Variants in ZNF99 observed in about 807,000 individuals in gnomAD.
ZNF99 encodes the protein zinc finger protein 99, also known as zinc finger protein ENSP00000375192.
A neutral mutation model predicts 12.8 loss-of-function variants in ZNF99; 8 were observed. The observed-to-expected ratio is 0.62, with a 90% CI of 0.37 to 1.13. The LOEUF is 1.13. ZNF99 is among the 50% of genes most tolerant of loss of function. ZNF99 has a pLI of 0.02. For missense variants in ZNF99, 1,007 were observed against 1,006.2 expected (o/e 1.00, Z -0.01); for synonymous variants, 318 against 319.0 (o/e 1.00, Z 0.03).
chr19:22,769,320 G>A lies in ZNF99; in HGVS notation c.8C>T (p.Ser3Leu), dbSNP rs558219171. The A allele has an allele frequency of 4.7e-5, 75 of 1,603,392 alleles. No homozygotes were observed. The Middle Eastern group carries it at 5.0e-4, about 11-fold the overall frequency. The part of the protein sequence containing the change: MG[S>L]LTFWDVTIEF... ...TATGGTCACATCCCAAAATGTCAAC[G>A]ATCCCTGAAAAACACAACAAAGATA... is the stretch of plus-strand genomic sequence containing the variant. Residue 3 changes from serine to leucine, a missense_variant, in exon 2 of 4, where the codon TCG (serine) becomes TTG (leucine). Ser to Leu is a moderately radical substitution (Grantham distance 145). Coordinates refer to ENST00000596209, the MANE Select transcript of ZNF99 (RefSeq NM_001080409.3).
chr19:22,761,104 A>C (rs1221416973), intron 3 of ZNF99, among the ~76,000 whole-genome samples: 1 of 151,906 alleles, frequency 6.6e-6, no homozygotes, highest in East Asian at 1.9e-4. Context: ...AAAAAGTATA[A>C]AATTTTTGGA....
chr19:22,782,929 A>G (rs898234553), intron 1 of ZNF99, among the ~76,000 whole-genome samples: 1 of 145,120 alleles, frequency 6.9e-6, no homozygotes, highest in Non-Finnish European at 1.5e-5. Context: ...CGGCCTCCCA[A>G]AGTGCTGGGA....
chr19:22,774,774 G>A (rs1303600144), intron 1 of ZNF99, among the ~76,000 whole-genome samples: 5 of 152,150 alleles, frequency 3.3e-5, no homozygotes, highest in African/African-American at 9.7e-5. Flanking sequence ...GGAGGCTGAG[G>A]CAGGAGAATA....
intron 3 of ZNF99, among the ~76,000 whole-genome samples, chr19:22,762,245 C>T (rs181427919): frequency 1.3e-5 from 2 of 152,014 alleles, no homozygotes; most frequent in East Asian, 3.9e-4. Context: ...AGACCATTAG[C>T]AAGATTAACC....
intron 2 of ZNF99, among the ~76,000 whole-genome samples, chr19:22,768,856 C>G (rs1438415992): frequency 6.6e-6 from 1 of 151,852 alleles, no homozygotes; most frequent in Non-Finnish European, 1.5e-5. Context: ...ATGGAGAAAC[C>G]CCGTCTCTGC....
chr19:22,766,346 CT>C (rs74174101), intron 3 of ZNF99, among the ~76,000 whole-genome samples: 22 of 140,916 alleles, frequency 1.6e-4, no homozygotes, highest in African/African-American at 2.6e-4. Flanking sequence ...CTTTTCTTTT[CT>C]TTTTTTTTTT....
intron 1 of ZNF99, among the ~76,000 whole-genome samples, chr19:22,776,802 A>T (rs950941935): frequency 4.6e-5 from 7 of 152,020 alleles, no homozygotes; most frequent in Non-Finnish European, 1.0e-4. Flanking sequence ...TCACAATAGC[A>T]AAGACATGGA....
intron 3 of ZNF99, among the ~76,000 whole-genome samples, chr19:22,766,129 TTTAATC>T (rs1217256240): frequency 4.6e-5 from 7 of 151,666 alleles, no homozygotes; most frequent in Admixed American, 2.0e-4. Flanking sequence ...AACACATTGA[TTTAATC>T]TTAAGATGTT....
chr19:22,780,463 C>G (rs1465030000), intron 1 of ZNF99, among the ~76,000 whole-genome samples: 1 of 152,044 alleles, frequency 6.6e-6, no homozygotes, highest in South Asian at 2.1e-4. Flanking sequence ...GAGGCTGAGG[C>G]GGGCGGATCA....
chr19:22,766,085 GT>G (rs1203774402), intron 3 of ZNF99, among the ~76,000 whole-genome samples: 1 of 151,414 alleles, frequency 6.6e-6, no homozygotes, highest in African/African-American at 2.4e-5. Flanking sequence ...TAGAAATATA[GT>G]TTTTGTATTC....
chr19:22,784,124 AG>A lies in ZNF99; in HGVS notation c.-109del. ...ACAGAGCAGTAAAAACGAGATCCGG[AG>A]CTCCAGCTGGAACCAGAAACAACGG... On this transcript the variant is annotated 5_prime_UTR_variant, in exon 1 of 4. Transcript: ENST00000596209. 4.6e-6 allele frequency: 6 copies of A among 1,308,884 alleles called. No homozygotes were observed. Among genetic ancestry groups the A allele is most frequent in the Non-Finnish European group, 6.4e-6 (6 of 935,564 alleles). 81.1% of individuals were successfully genotyped at this position (1,308,884 alleles called of 1,614,324 possible).
At chr19:22,781,275 GA>G (rs1973384139) in intron 1 of ZNF99, among the ~76,000 whole-genome samples, 1 of 151,912 alleles carries the variant, frequency 6.6e-6, no homozygotes, top group Admixed American at 6.6e-5. Context: ...AATCACTTAA[GA>G]GATTCTCCCA....
intron 3 of ZNF99, among the ~76,000 whole-genome samples, chr19:22,761,710 A>G (rs1308664295): frequency 6.6e-6 from 1 of 152,160 alleles, no homozygotes; most frequent in African/African-American, 2.4e-5. Context: ...AGTGCACGAA[A>G]CCTTCTCCAA....
Position 22,758,456 on chromosome 19 carries a change from C to T in ZNF99, c.1453G>A (p.Glu485Lys). 6.2e-7 allele frequency: 1 copy of T among 1,613,232 alleles called. No homozygotes were observed. Among genetic ancestry groups the T allele is most frequent in the Non-Finnish European group, 8.5e-7 (1 of 1,179,694 alleles). The part of the protein sequence containing the change: ...HTGEKPYKCE[E>K]CGKAFKWSSK... ...GACCACTTAAAAGCTTTACCACATT[C>T]TTCACATTTGTAGGGTTTCTCTCCA... is the stretch of plus-strand genomic sequence containing the variant. Residue 485 changes from glutamate to lysine, a missense_variant, in exon 4 of 4, where the codon GAA becomes AAA. Transcript: ENST00000596209.
At chr19:22,770,093 C>A in intron 1 of ZNF99, 2 of 1,091,290 alleles carry the variant, frequency 1.8e-6, no homozygotes, top group Non-Finnish European at 2.4e-6. Context: ...CTGAATTTGA[C>A]AAGCTCACCA....
rs1221420223 is a variant in ZNF99, at chr19:22,758,168, T to C, written c.1741A>G (p.Thr581Ala). Residue 581 changes from threonine to alanine, a missense_variant, in exon 4 of 4, where the codon ACT (threonine) becomes GCT (alanine). Transcript: ENST00000596209. ...CCAGTATGAATTGCTTTATGTCTAGTAAGATGTGAAGATTGCTTAAAAGCT... is the reference window on the plus strand; with the variant it reads ...CCAGTATGAATTGCTTTATGTCTAGCAAGATGTGAAGATTGCTTAAAAGCT... ...GKAFKQSSHL[T>A]RHKAIHTGEK... 1 of 1,613,670 alleles carries C rather than the reference T, an allele frequency of 6.2e-7. No homozygotes were observed. Among genetic ancestry groups the C allele is most frequent in the East Asian group, 2.2e-5 (1 of 44,840 alleles).
At chr19:22,765,742 T>G (rs1328782287) in intron 3 of ZNF99, among the ~76,000 whole-genome samples, 3 of 151,298 alleles carry the variant, frequency 2.0e-5, no homozygotes, top group Non-Finnish European at 2.9e-5. Context: ...CCTACACCTT[T>G]AGGAGGCCAA....
intron 3 of ZNF99, among the ~76,000 whole-genome samples, chr19:22,766,923 T>A (rs1973210678): frequency 6.6e-6 from 1 of 151,986 alleles, no homozygotes; most frequent in Non-Finnish European, 1.5e-5. Flanking sequence ...AGTGCTGGAA[T>A]TACAGGCGTG....
In ZNF99 at chr19:22,757,242, T is replaced by A; in HGVS notation, c.*72A>T. 1.9e-6 allele frequency: 3 copies of A among 1,588,238 alleles called. No individual in the cohort carries two copies. The highest frequency in any genetic ancestry group is 2.6e-6 in the Non-Finnish European group (3 of 1,162,642). On this transcript the variant is annotated 3_prime_UTR_variant, in exon 4 of 4. Transcript: ENST00000596209. ...TTCCCAGTATAAATTATCTTATGTTTCCTAAGGGTTGAGGAATTGTTAAAA... is the reference window on the plus strand; with the variant it reads ...TTCCCAGTATAAATTATCTTATGTTACCTAAGGGTTGAGGAATTGTTAAAA...
Sources: gnomAD v4.1 joint callset for allele counts (sites outside exome capture counted in the v4.1 genomes callset) on GRCh38, gnomAD v4.1.1 for gene constraint, MANE v1.5 for transcripts, NCBI Gene and HGNC (gene_info 2026-07-23, HGNC 2026-07-21) for gene names.